The following ANKS1A variants were observed in gnomAD, a reference collection of about 807,000 sequenced individuals.
The protein encoded by ANKS1A is ankyrin repeat and SAM domain-containing protein 1A.
Under a neutral mutation model 120.3 loss-of-function variants are expected in ANKS1A, and 55 were observed. The observed-to-expected ratio is 0.46, with a 90% CI of 0.37 to 0.57. The LOEUF (loss-of-function observed/expected upper bound fraction) is 0.57, where lower values mean the gene tolerates loss of function less well. Ranked by LOEUF, ANKS1A falls within the 20% of genes least tolerant of loss-of-function variation. The pLI is 0.00. For synonymous variants in ANKS1A, 590 were observed against 604.7 expected (o/e 0.98, Z 0.36); for missense variants, 1,123 against 1,480.3 (o/e 0.76, Z 3.96).
intron 10 of ANKS1A, among the ~76,000 whole-genome samples, chr6:35,009,370 C>G (rs1025932295): frequency 6.6e-6 from 1 of 152,012 alleles, no homozygotes; most frequent in African/African-American, 2.4e-5. Context: ...GAGGTTTGAG[C>G]TTGGTTAATT....
intron 9 of ANKS1A, among the ~76,000 whole-genome samples, chr6:34,992,863 G>A (rs1341311366): frequency 6.6e-6 from 1 of 152,154 alleles, no homozygotes; most frequent in Non-Finnish European, 1.5e-5. Context: ...TTAGTCTGAC[G>A]CTACTAGAGT....
At chr6:35,008,240 G>C (rs1369025278) in intron 10 of ANKS1A, among the ~76,000 whole-genome samples, 1 of 151,946 alleles carries the variant, frequency 6.6e-6, no homozygotes, top group East Asian at 1.9e-4. Flanking sequence ...AAATAGACGG[G>C]GTCTCGCTCC....
chr6:34,937,804 G>C (rs1222989540), intron 1 of ANKS1A, among the ~76,000 whole-genome samples: 1 of 152,206 alleles, frequency 6.6e-6, no homozygotes, highest in Non-Finnish European at 1.5e-5. Flanking sequence ...GTAATAATCA[G>C]ACTCTGGCAT....
At chr6:34,975,088 A>G (rs1771487772) in intron 3 of ANKS1A, among the ~76,000 whole-genome samples, 2 of 152,236 alleles carry the variant, frequency 1.3e-5, no homozygotes, top group South Asian at 4.1e-4. Flanking sequence ...ATGTAGTAAG[A>G]ACATACTTCT....
chr6:35,032,687 T>C (rs1260455231), intron 11 of ANKS1A, among the ~76,000 whole-genome samples: 5 of 152,206 alleles, frequency 3.3e-5, no homozygotes, highest in Non-Finnish European at 7.3e-5. Flanking sequence ...GAGGGAGATA[T>C]AATAATTAAG....
At chr6:34,953,915 C>G (rs926342674) in intron 1 of ANKS1A, among the ~76,000 whole-genome samples, 1 of 152,156 alleles carries the variant, frequency 6.6e-6, no homozygotes, top group Non-Finnish European at 1.5e-5. Context: ...AGTTCTGTGC[C>G]TTCTTTACAG....
In ANKS1A at chr6:35,085,670, C is replaced by A; in HGVS notation, c.3133-96C>A. ...GGAGGTAGGAGCGCTCCCGGGTAGA[C>A]TTAGAGGGGGACACATGGTCCCTGC... On this transcript the variant is annotated intron_variant, in intron 21 of 23. Transcript: ENST00000360359. The surrounding 1 kb of genome is among the most constrained non-coding windows in gnomAD (Gnocchi z 4.7). The A allele has an allele frequency of 7.4e-7, 1 of 1,343,862 alleles. No individual in the cohort carries two copies. Among genetic ancestry groups the A allele is most frequent in the Non-Finnish European group, 1.0e-6 (1 of 998,942 alleles). The allele number at this position is 1,343,862 out of a possible 1,614,324, so 83.2% of individuals were successfully genotyped here.
intron 12 of ANKS1A, 111 bp downstream of exon 12, chr6:35,054,276 G>C (rs530621695): frequency 1.0e-6 from 1 of 963,404 alleles, no homozygotes; most frequent in South Asian, 1.4e-5. Context: ...GGAGAGGTCA[G>C]CTTCAGACCA....
At chr6:34,918,338 T>C (rs1768272330) in intron 1 of ANKS1A, among the ~76,000 whole-genome samples, 1 of 152,232 alleles carries the variant, frequency 6.6e-6, no homozygotes, top group African/African-American at 2.4e-5. Context: ...CTTCCTGTGC[T>C]ACAGTTTTCT....
Position 35,057,848 on chromosome 6 carries a change from A to G in ANKS1A, c.2078-2299A>G, listed in dbSNP as rs1776291671. ...TAGGGGGGTCACTTACCTGTGGGCT[A>G]TGCCCTTTGGGTCTGGTCATTCCTG... On this transcript the variant is annotated intron_variant, in intron 12 of 23. Transcript: ENST00000360359. This position sits in a 1 kb window ranked among gnomAD's most constrained non-coding sequence, Gnocchi z 4.1. Among the ~76,000 whole-genome samples the G allele has an allele frequency of 6.6e-6, 1 of 152,228 alleles. No homozygotes were observed. The highest frequency in any genetic ancestry group is 2.4e-5 in the African/African-American group (1 of 41,458).
At chr6:35,040,415 A>G (rs1392284675) in intron 11 of ANKS1A, among the ~76,000 whole-genome samples, 1 of 152,216 alleles carries the variant, frequency 6.6e-6, no homozygotes, top group Non-Finnish European at 1.5e-5. Context: ...GTGAGAGCCC[A>G]AGGGCCAAGT....
intron 9 of ANKS1A, among the ~76,000 whole-genome samples, chr6:34,992,561 AG>A (rs1458951143): frequency 6.6e-6 from 1 of 152,230 alleles, no homozygotes; most frequent in Non-Finnish European, 1.5e-5. Context: ...TGATAGCTGT[AG>A]GTGCGTAAAC....
At position 35,089,296 on chromosome 6, in the gene ANKS1A, T is replaced by G; in HGVS notation, c.*687T>G. 1 of 987,530 alleles carries G rather than the reference T, an allele frequency of 1.0e-6. No individual in the cohort carries two copies. Among genetic ancestry groups the G allele is most frequent in the East Asian group, 1.1e-4 (1 of 8,864 alleles). 61.2% of individuals were successfully genotyped at this position (987,530 alleles called of 1,614,324 possible). A position where few individuals can be genotyped will look rare whatever the true frequency, so the allele number is the denominator to read the frequency against. Reference sequence around the variant, plus strand: ...ATTTCTGGGGTTCCCGATGGGAAGGTTCAGTGGCCAAATGAAGATAAGTGT... The same window carrying G: ...ATTTCTGGGGTTCCCGATGGGAAGGGTCAGTGGCCAAATGAAGATAAGTGT... On this transcript the variant is annotated 3_prime_UTR_variant, in exon 24 of 24. Transcript: ENST00000360359.
At chr6:35,083,024 C>T in intron 18 of ANKS1A, 131 bp from the exon 19 acceptor site, 1 of 1,305,430 alleles carries the variant, frequency 7.7e-7, no homozygotes, top group Non-Finnish European at 1.1e-6. Flanking sequence ...GTCTCTCCAG[C>T]TGGGGCAGGA....
chr6:34,997,499 T>C (rs942672723), intron 10 of ANKS1A, among the ~76,000 whole-genome samples: 24 of 152,152 alleles, frequency 1.6e-4, no homozygotes, highest in African/African-American at 5.6e-4. Context: ...CCTGGCCATA[T>C]TGGTAGATTT....
At chr6:35,011,546 C>G (rs1773759811) in intron 10 of ANKS1A, among the ~76,000 whole-genome samples, 1 of 152,136 alleles carries the variant, frequency 6.6e-6, no homozygotes, top group Non-Finnish European at 1.5e-5. Context: ...AGTCCGAAGT[C>G]CCAAAGCTGG....
intron 10 of ANKS1A, among the ~76,000 whole-genome samples, chr6:35,011,943 C>G (rs1208267172): frequency 2.0e-5 from 3 of 152,038 alleles, no homozygotes; most frequent in African/African-American, 7.2e-5. Context: ...TATTTTTGTC[C>G]CTGTTTCAGA....
Position 34,967,227 on chromosome 6 carries a change from T to C in ANKS1A, c.198-12T>C. The C allele has an allele frequency of 6.2e-7, 1 of 1,611,732 alleles. No individual in the cohort carries two copies. The highest frequency in any genetic ancestry group is 8.5e-7 in the Non-Finnish European group (1 of 1,179,300). ...GAAATCTATGTCTCTCTCTTTTTTT[T>C]TTCCCTGATAGCATGTGGAGAGGGC... is the stretch of plus-strand genomic sequence containing the variant. On this transcript the variant is annotated splice_polypyrimidine_tract_variant and intron_variant, in intron 1 of 23. Coordinates refer to ENST00000360359, the MANE Select transcript of ANKS1A (RefSeq NM_015245.3).
At chr6:34,890,730 C>G (rs1766775946) in intron 1 of ANKS1A, among the ~76,000 whole-genome samples, 1 of 152,154 alleles carries the variant, frequency 6.6e-6, no homozygotes, top group Non-Finnish European at 1.5e-5. Context: ...TGTGTTAGTT[C>G]AGCAGCGCTT....
Sources: gnomAD v4.1 joint callset for allele counts (sites outside exome capture counted in the v4.1 genomes callset) on GRCh38, gnomAD v4.1.1 for gene constraint, Gnocchi (gnomAD v3.1) non-coding constraint, MANE v1.5 for transcripts, NCBI Gene and HGNC (gene_info 2026-07-23, HGNC 2026-07-21) for gene names.